Variants in FABP12 observed in about 807,000 individuals in gnomAD.
FABP12 encodes the protein fatty acid binding protein 12.
In FABP12, 19 loss-of-function variants were observed where a neutral mutation model predicts 13.7. The ratio of observed to expected loss-of-function variants is 1.39; its 90% confidence interval spans 0.97 to 2.04. The LOEUF (loss-of-function observed/expected upper bound fraction) is 2.04, where lower values mean the gene tolerates loss of function less well. Ranked by LOEUF, FABP12 falls within the 30% of genes most tolerant of loss-of-function variation. The pLI is 0.00. For missense variants in FABP12, 182 were observed against 164.2 expected, an observed-to-expected ratio of 1.11 and a Z score of -0.59; for synonymous variants, 61 against 57.0, an observed-to-expected ratio of 1.07 and a Z score of -0.32.
chr8:81,527,191 A>C, intron 3 of FABP12, 70 bp from the exon 4 acceptor site: 1 of 868,374 alleles, frequency 1.2e-6, no homozygotes, highest in Non-Finnish European at 1.8e-6. Flanking sequence ...ATCAGGCAGC[A>C]AATTCTTTTT....
At chr8:81,545,008 G>A (rs1423775156) in intron 1 of FABP12, among the ~76,000 whole-genome samples, 1 of 152,160 alleles carries the variant, frequency 6.6e-6, no homozygotes, top group Admixed American at 6.5e-5. Context: ...GTGTTTAGGA[G>A]ACTGAGAGGT....
chr8:81,525,091 T>A, exon 5 of FABP12: 1 of 1,594,506 alleles, frequency 6.3e-7, no homozygotes, highest in Non-Finnish European at 8.6e-7. Flanking sequence ...CGTATGTTCG[T>A]GTACAGATAA....
At chr8:81,540,768 T>C (rs981648949) in intron 1 of FABP12, among the ~76,000 whole-genome samples, 1 of 152,184 alleles carries the variant, frequency 6.6e-6, no homozygotes, top group Non-Finnish European at 1.5e-5. Flanking sequence ...TTTTGAAAAA[T>C]ATACACGTTA....
intron 1 of FABP12, among the ~76,000 whole-genome samples, chr8:81,586,749 G>C (rs1210719004): frequency 6.6e-6 from 1 of 152,026 alleles, no homozygotes; most frequent in Non-Finnish European, 1.5e-5. Context: ...CAGGTTGTGT[G>C]TTTACTCTGT....
At chr8:81,531,664 A>G (rs571622523) in intron 1 of FABP12, among the ~76,000 whole-genome samples, 27 of 152,262 alleles carry the variant, frequency 1.8e-4, no homozygotes, top group Non-Finnish European at 4.4e-5. Context: ...CTGGGCCTGG[A>G]CAGCTGTGTT....
intron 1 of FABP12, among the ~76,000 whole-genome samples, chr8:81,575,628 G>GGGA (rs1303426732): frequency 6.6e-6 from 1 of 152,108 alleles, no homozygotes; most frequent in Non-Finnish European, 1.5e-5. Context: ...TTATAAACTT[G>GGGA]GGAGCTCCAG....
chr8:81,552,203 G>A (rs1047815816), intron 1 of FABP12, among the ~76,000 whole-genome samples: 10 of 152,126 alleles, frequency 6.6e-5, no homozygotes, highest in African/African-American at 1.4e-4. Context: ...GGAACAGTGA[G>A]AAAAAGAAGA....
chr8:81,556,392 C>A (rs2130028900), intron 1 of FABP12, among the ~76,000 whole-genome samples: 1 of 152,212 alleles, frequency 6.6e-6, no homozygotes, highest in East Asian at 1.9e-4. Context: ...TACTTGTCTG[C>A]CTACAGGGAC....
chr8:81,531,425 A>G, intron 1 of FABP12, 35 bp from the exon 2 acceptor site: 1 of 672,054 alleles, frequency 1.5e-6, no homozygotes, highest in Non-Finnish European at 2.5e-6. Flanking sequence ...AGAGAATGAG[A>G]TGAGAAAAGT....
intron 4 of FABP12, chr8:81,525,936 A>G (rs1225942730): frequency 6.6e-6 from 1 of 152,214 alleles, no homozygotes; most frequent in Admixed American, 6.5e-5. Flanking sequence ...CTGAATCTTG[A>G]AGAGATTAAA....
At chr8:81,558,876 T>A (rs1585850038) in intron 1 of FABP12, among the ~76,000 whole-genome samples, 2 of 94,190 alleles carry the variant, frequency 2.1e-5, no homozygotes. Context: ...GGGGACAAAG[T>A]AAGGCTCCAT....
intron 1 of FABP12, among the ~76,000 whole-genome samples, chr8:81,570,607 T>G (rs1809912925): frequency 6.6e-6 from 1 of 152,038 alleles, no homozygotes; most frequent in Non-Finnish European, 1.5e-5. Context: ...TGCAGCTGGT[T>G]GTCCCGTTGT....
intron 1 of FABP12, among the ~76,000 whole-genome samples, chr8:81,544,707 G>T (rs934466601): frequency 1.3e-5 from 2 of 151,990 alleles, no homozygotes; most frequent in African/African-American, 4.8e-5. Flanking sequence ...AATGCACTTG[G>T]CACTCTTTTC....
At chr8:81,583,519 C>T (rs989456236) in intron 1 of FABP12, among the ~76,000 whole-genome samples, 4 of 151,772 alleles carry the variant, frequency 2.6e-5, no homozygotes, top group African/African-American at 7.3e-5. Flanking sequence ...ACATTATAAC[C>T]GATATCACAG....
At chr8:81,586,305 C>T (rs1025197500) in intron 1 of FABP12, among the ~76,000 whole-genome samples, 8 of 152,086 alleles carry the variant, frequency 5.3e-5, no homozygotes, top group South Asian at 2.1e-4. Context: ...GATGAACATA[C>T]GCATGCATGT....
At chr8:81,566,028 C>T (rs1272614256) in intron 1 of FABP12, among the ~76,000 whole-genome samples, 1 of 151,946 alleles carries the variant, frequency 6.6e-6, no homozygotes, top group Non-Finnish European at 1.5e-5. Context: ...TTATTGGCTA[C>T]TATAAGCAAT....
intron 3 of FABP12, among the ~76,000 whole-genome samples, chr8:81,527,653 C>T (rs1021204725): frequency 1.3e-5 from 2 of 152,220 alleles, no homozygotes; most frequent in Non-Finnish European, 2.9e-5. Context: ...TGAGCCACCA[C>T]ACCCGGCCAT....
chr8:81,525,206 A>G, intron 4 of FABP12, 86 bp from the exon 5 acceptor site: 1 of 849,842 alleles, frequency 1.2e-6, no homozygotes, highest in Non-Finnish European at 1.9e-6. Context: ...CTATCCACAC[A>G]TACATTCCTT....
intron 1 of FABP12, among the ~76,000 whole-genome samples, chr8:81,566,543 A>G (rs1809824200): frequency 6.6e-6 from 1 of 152,154 alleles, no homozygotes; most frequent in African/African-American, 2.4e-5. Context: ...GGTACATCCT[A>G]TCAATAGAAT....
Sources: gnomAD v4.1 joint callset for allele counts (sites outside exome capture counted in the v4.1 genomes callset) on GRCh38, gnomAD v4.1.1 for gene constraint, MANE v1.5 for transcripts, NCBI Gene and HGNC (gene_info 2026-07-23, HGNC 2026-07-21) for gene names.